The following RPS4X variants were observed in gnomAD, a reference collection of about 807,000 sequenced individuals.
RPS4X encodes the protein small ribosomal subunit protein eS4, X isoform.
For synonymous variants in RPS4X, 76 were observed against 76.8 expected (o/e 0.99, Z 0.06); for missense variants, 90 against 219.1 (o/e 0.41, Z 3.72).
At chrX:72,273,157 TG>T in intron 6 of RPS4X, 74 bp downstream of exon 6, 1 of 1,027,289 alleles carries the variant, frequency 9.7e-7, no homozygotes, top group Non-Finnish European at 1.3e-6. Context: ...GCCAGGAGCC[TG>T]GATGCTACAA....
chrX:72,277,121 A>G lies in RPS4X; in HGVS notation c.3+72T>C, dbSNP rs1380915704. 24 of 1,167,358 alleles carry G rather than the reference A, an allele frequency of 2.1e-5. No homozygotes were observed. In the East Asian group the frequency reaches 6.9e-4, roughly 34 times the overall value. ...GGCCATCCCCAGTAGGAATCCCGAA[A>G]CCTCGGGCAGCCCCGGCCGGGGGAG... On this transcript the variant is annotated intron_variant, in intron 1 of 6. Transcript: ENST00000316084.
chrX:72,274,592 G>C, intron 4 of RPS4X: 1 of 286,157 alleles, frequency 3.5e-6, no homozygotes, highest in Non-Finnish European at 6.9e-6. Context: ...TCAAACTAGT[G>C]CCTCAAGGAC....
intron 6 of RPS4X, 24 bp downstream of exon 6, chrX:72,273,206 TAG>T (rs1569494210): frequency 8.4e-7 from 1 of 1,187,094 alleles, no homozygotes; most frequent in Non-Finnish European, 1.1e-6. Context: ...TTCCTCAGAC[TAG>T]AGAGAAGGAA....
chrX:72,273,384 G>T lies in RPS4X; in HGVS notation c.538C>A (p.Leu180Met). Residue 180 changes from leucine (L) to methionine (M), a missense_variant, in exon 6 of 7, where the codon CTG (leucine) becomes ATG (methionine). Physicochemically the swap from Leu to Met is conservative, Grantham distance 15. Transcript: ENST00000316084. Reference sequence around the variant, plus strand: ...TTAGCACCTCCAGTCACCATACACAGGTTACCTAGGCAGGAAGAAATAATC... The same window carrying T: ...TTAGCACCTCCAGTCACCATACACATGTTACCTAGGCAGGAAGAAATAATC... ...TDFIKFDTGN[L>M]CMVTGGANLG... 8.4e-7 allele frequency: 1 copy of T among 1,191,977 alleles called. No homozygotes were observed.
intron 3 of RPS4X, 55 bp from the exon 4 acceptor site, chrX:72,275,205 C>A (rs1032911182): frequency 3.8e-6 from 3 of 798,722 alleles, no homozygotes; most frequent in South Asian, 4.5e-5. Flanking sequence ...TACCTCATGC[C>A]GAGCAACAAC....
chrX:72,276,316 AGTTTC>A, intron 1 of RPS4X, 82 bp from the exon 2 acceptor site: 1 of 694,542 alleles, frequency 1.4e-6, no homozygotes, highest in Non-Finnish European at 2.2e-6. Context: ...CTCTTAGTTT[AGTTTC>A]ATCTTCAGCA....
At chrX:72,277,141 G>T in intron 1 of RPS4X, 52 bp downstream of exon 1, 2 of 1,202,693 alleles carry the variant, frequency 1.7e-6, no homozygotes, top group Non-Finnish European at 1.1e-6. Context: ...GCCCCGGCCG[G>T]GGGAGGATGG....
rs759796454 is a variant in RPS4X at position 72,275,717 on chromosome X, C to T, written c.89G>A (p.Arg30His). Residue 30 changes from arginine to histidine, a missense_variant, in exon 3 of 7, where the codon CGT becomes CAT. Coordinates refer to ENST00000316084, the MANE Select transcript of RPS4X (RefSeq NM_001007.5). The part of the protein sequence containing the change: ...LDKLTGVFAP[R>H]PSTGPHKLRE... ...CAACTTGTGGGGACCGGTGGATGGA[C>T]GAGGAGCCTGTAACGTTAAAAATGA... 5 of 1,193,207 alleles carry T rather than the reference C, an allele frequency of 4.2e-6. No individual in the cohort carries two copies. The highest frequency in any genetic ancestry group is 3.0e-5 in the East Asian group (1 of 33,163).
chrX:72,277,223 T>C lies in RPS4X; in HGVS notation c.-28A>G, dbSNP rs2043209322. 8.3e-7 allele frequency: 1 copy of C among 1,207,770 alleles called. No homozygotes were observed. Among genetic ancestry groups the C allele is most frequent in the Non-Finnish European group, 1.1e-6 (1 of 892,967 alleles). ...CTGCGTTAGGCAAGGAAAGAGGACC[T>C]CCGTCTTCCGGTGCGCGTAGAAATT... On this transcript the variant is annotated 5_prime_UTR_variant, in exon 1 of 7. Coordinates refer to ENST00000316084, the MANE Select transcript of RPS4X (RefSeq NM_001007.5).
chrX:72,275,326 T>A (rs1324211622), intron 3 of RPS4X, among the ~76,000 whole-genome samples, 176 bp from the exon 4 acceptor site: 2 of 112,089 alleles, frequency 1.8e-5, no homozygotes, highest in Non-Finnish European at 3.8e-5. Flanking sequence ...CAAAACCCCA[T>A]GACTGCATGT....
intron 2 of RPS4X, 79 bp downstream of exon 2, chrX:72,276,078 C>T: frequency 2.5e-6 from 2 of 796,254 alleles, no homozygotes; most frequent in South Asian, 4.4e-5. Context: ...AGATATTCCT[C>T]CCCTAGCCTG....
At chrX:72,276,437 AAC>A (rs1359421700) in intron 1 of RPS4X, among the ~76,000 whole-genome samples, 1 of 112,506 alleles carries the variant, frequency 8.9e-6, no homozygotes, top group Admixed American at 9.4e-5. Flanking sequence ...TTCTTATTGT[AAC>A]AGAGAATATT....
intron 3 of RPS4X, 34 bp downstream of exon 3, chrX:72,275,510 A>C: frequency 4.7e-6 from 5 of 1,071,322 alleles, no homozygotes; most frequent in Non-Finnish European, 5.1e-6. Context: ...GGCTGCCATC[A>C]ATATGCGTCT....
chrX:72,275,954 T>C (rs751504336), intron 2 of RPS4X, among the ~76,000 whole-genome samples: 1 of 111,791 alleles, frequency 8.9e-6, no homozygotes, highest in African/African-American at 3.2e-5. Context: ...CCTGAGTCCA[T>C]GTAAATGTAC....
chrX:72,274,043 T>C (rs1431859306), intron 4 of RPS4X, 71 bp from the exon 5 acceptor site: 5 of 948,091 alleles, frequency 5.3e-6, no homozygotes, highest in Middle Eastern at 2.6e-4. Flanking sequence ...ACAGGAACCA[T>C]GGGTTCCCTA....
chrX:72,277,055 C>G (rs903773457), intron 1 of RPS4X, 138 bp downstream of exon 1: 4 of 735,242 alleles, frequency 5.4e-6, no homozygotes, highest in Non-Finnish European at 8.0e-6. Flanking sequence ...TGGAGCCCGT[C>G]CCGGCCTACC....
chrX:72,275,249 G>A, intron 3 of RPS4X, 99 bp from the exon 4 acceptor site: 2 of 528,930 alleles, frequency 3.8e-6, no homozygotes, highest in Admixed American at 6.7e-5. Flanking sequence ...GAACCCCCAT[G>A]TGCCTCCCAG....
chrX:72,273,997 C>T, intron 4 of RPS4X, 25 bp from the exon 5 acceptor site: 1 of 1,181,599 alleles, frequency 8.5e-7, no homozygotes, highest in Non-Finnish European at 1.2e-6. Context: ...GGGTTAGCCA[C>T]ATTCAATCCA....
intron 5 of RPS4X, 35 bp downstream of exon 5, chrX:72,273,766 A>C: frequency 6.0e-6 from 7 of 1,170,828 alleles, no homozygotes; most frequent in African/African-American, 3.5e-5. Flanking sequence ...TCTAGGCCTT[A>C]AAGAGGGTGC....
Sources: gnomAD v4.1 joint callset for allele counts (sites outside exome capture counted in the v4.1 genomes callset) on GRCh38, gnomAD v4.1.1 for gene constraint, MANE v1.5 for transcripts, NCBI Gene and HGNC (gene_info 2026-07-23, HGNC 2026-07-21) for gene names.